Variants in ZC3H11A observed in about 807,000 individuals in gnomAD.
ZC3H11A encodes the protein zinc finger CCCH-type containing 11A.
In ZC3H11A, 22 loss-of-function variants were observed where a neutral mutation model predicts 90.8. That is an observed-to-expected ratio of 0.24 (90% CI 0.17 to 0.35). The LOEUF (loss-of-function observed/expected upper bound fraction) is 0.35. Ranked by LOEUF, ZC3H11A falls within the 10% of genes least tolerant of loss-of-function variation. The pLI is 1.00. For synonymous variants in ZC3H11A, 294 were observed against 339.8 expected (o/e 0.87, Z 1.48); for missense variants, 701 against 964.9 (o/e 0.73, Z 3.62).
In ZC3H11A at chr1:203,848,333, A is replaced by G. The variant is rs1572364774; in HGVS notation, c.1549A>G (p.Met517Val). The change falls in exon 14 of 18, where the codon ATG (methionine) becomes GTG (valine). Residue 517 changes from methionine to valine, a missense_variant and splice_region_variant. By Grantham distance (21) the Met-to-Val change is conservative. Coordinates refer to ENST00000367210, the MANE Select transcript of ZC3H11A (RefSeq NM_001376342.1). ...RLLRITKRTG[M>V]KEEKNLQEGN... ...TGATGTCTTTAATGTGAATACAGGG[A>G]TGAAAGAAGAGAAGAACCTTCAGGA... 1 of 1,612,514 alleles carries G rather than the reference A, an allele frequency of 6.2e-7. No homozygotes were observed. The highest frequency in any genetic ancestry group is 8.5e-7 in the Non-Finnish European group (1 of 1,179,398).
In ZC3H11A at chr1:203,797,728, G is replaced by A. The variant is rs928522379; in HGVS notation, c.-1588+1934G>A. On this transcript the variant is annotated intron_variant, in intron 1 of 17. Coordinates refer to ENST00000367210, the MANE Select transcript of ZC3H11A (RefSeq NM_001376342.1). ...AAAAAGAAAAGAAAGAAGGGTTTGC[G>A]AATTAAGGGGAAAAGGCGTCGAAAA... The A allele has an allele frequency of 1.4e-5, 21 of 1,535,128 alleles. No homozygotes were observed. In the Middle Eastern group the frequency reaches 5.0e-4, roughly 37 times the overall value.
Position 203,837,318 on chromosome 1 carries a change from C to T in ZC3H11A, c.875-648C>T, listed in dbSNP as rs1684665430. Among the ~76,000 whole-genome samples the T allele has an allele frequency of 4.0e-5, 6 of 150,324 alleles. No individual in the cohort carries two copies. The South Asian group carries it at 1.0e-3, about 26-fold the overall frequency. On this transcript the variant is annotated intron_variant, in intron 10 of 17. Coordinates refer to ENST00000367210, the MANE Select transcript of ZC3H11A (RefSeq NM_001376342.1). ...AAAAAAAAAAAAGGGTTCTTTTGTACATGAAGATTTTTCACATTTCTAATT... is the reference window on the plus strand; with the variant it reads ...AAAAAAAAAAAAGGGTTCTTTTGTATATGAAGATTTTTCACATTTCTAATT...
chr1:203,829,497 T>C lies in ZC3H11A; in HGVS notation c.345T>C (p.Ala115=). 6.2e-7 allele frequency: 1 copy of C among 1,614,028 alleles called. No homozygotes were observed. The highest frequency in any genetic ancestry group is 8.5e-7 in the Non-Finnish European group (1 of 1,179,906). The stretch of plus-strand genomic sequence containing the variant: ...AGTCACCAGAAGAGGAAGTGAAGGC[T>C]AGCCAACTTTCAGTTCAGCAGAACA... ...VPESPEEEVK[A]SQLSVQQNKL... is the part of the protein sequence containing the mutation. The change falls in exon 6 of 18, where the codon GCT becomes GCC. Residue 115 remains alanine, a synonymous_variant. Transcript: ENST00000367210.
At chr1:203,835,900 G>GCCTT in intron 10 of ZC3H11A, 1 of 233,938 alleles carries the variant, frequency 4.3e-6, no homozygotes, top group Non-Finnish European at 9.3e-6. Context: ...TTGGACCACA[G>GCCTT]CCTTCCAGAC....
chr1:203,827,629 C>T (rs12068113), intron 4 of ZC3H11A, among the ~76,000 whole-genome samples: 22,453 of 150,208 alleles, frequency 0.15, 1,903 homozygotes, highest in East Asian at 0.29. Context: ...TTGCAGTGAG[C>T]GGAGATCGCG....
chr1:203,816,520 T>C (rs1234947236), intron 2 of ZC3H11A, among the ~76,000 whole-genome samples: 1 of 152,056 alleles, frequency 6.6e-6, no homozygotes, highest in Non-Finnish European at 1.5e-5. Flanking sequence ...TCCTGGATAC[T>C]TGGGGGAGGC....
At chr1:203,825,516 C>T (rs1680235239) in intron 4 of ZC3H11A, among the ~76,000 whole-genome samples, 1 of 140,180 alleles carries the variant, frequency 7.1e-6, no homozygotes, top group South Asian at 2.3e-4. Flanking sequence ...CTCACTGAAA[C>T]TTCCACCTCC....
intron 12 of ZC3H11A, among the ~76,000 whole-genome samples, chr1:203,841,649 G>A (rs917786297): frequency 3.3e-5 from 5 of 152,202 alleles, no homozygotes; most frequent in South Asian, 2.1e-4. Context: ...ATCATGGCCC[G>A]TTCTCAATGA....
intron 2 of ZC3H11A, among the ~76,000 whole-genome samples, chr1:203,804,150 GTGTTT>G (rs1671389999): frequency 7.6e-6 from 1 of 131,018 alleles, no homozygotes. Flanking sequence ...TCCTGTATAT[GTGTTT>G]TTTTTTTTTT....
chr1:203,846,332 C>T (rs1687903346), intron 12 of ZC3H11A, among the ~76,000 whole-genome samples: 1 of 152,044 alleles, frequency 6.6e-6, no homozygotes, highest in Non-Finnish European at 1.5e-5. Flanking sequence ...TCAGTTTAGA[C>T]AGATATAGAA....
chr1:203,814,263 C>T (rs1675490668), intron 2 of ZC3H11A, among the ~76,000 whole-genome samples: 1 of 152,188 alleles, frequency 6.6e-6, no homozygotes, highest in African/African-American at 2.4e-5. Context: ...CTGGCTCACA[C>T]CTGTAATCCC....
At chr1:203,813,632 G>C (rs2102695046) in intron 2 of ZC3H11A, among the ~76,000 whole-genome samples, 1 of 152,298 alleles carries the variant, frequency 6.6e-6, no homozygotes, top group South Asian at 2.1e-4. Flanking sequence ...AGCTACAGAA[G>C]TTTGTTGTCT....
chr1:203,824,864 C>G (rs531606925), intron 4 of ZC3H11A, among the ~76,000 whole-genome samples: 4 of 152,020 alleles, frequency 2.6e-5, no homozygotes, highest in Admixed American at 1.3e-4. Flanking sequence ...CAGATCATCT[C>G]AGGAGTTTGA....
chr1:203,807,142 C>T (rs1331703656), intron 2 of ZC3H11A, among the ~76,000 whole-genome samples: 3 of 151,806 alleles, frequency 2.0e-5, no homozygotes, highest in African/African-American at 7.3e-5. Context: ...CCCAAAGCTC[C>T]GGGATTACAG....
intron 2 of ZC3H11A, among the ~76,000 whole-genome samples, chr1:203,810,866 C>T (rs1461963214): frequency 6.6e-6 from 1 of 151,830 alleles, no homozygotes. Flanking sequence ...GCCAGACGCT[C>T]ACGCCTGTAA....
chr1:203,844,223 G>A (rs547637807), intron 12 of ZC3H11A, among the ~76,000 whole-genome samples: 18 of 151,660 alleles, frequency 1.2e-4, no homozygotes, highest in African/African-American at 4.1e-4. Flanking sequence ...GTGCAGTGGC[G>A]TGATCTCAGC....
intron 12 of ZC3H11A, 53 bp downstream of exon 12, chr1:203,840,427 CCTTTG>C: frequency 1.3e-6 from 2 of 1,551,526 alleles, no homozygotes; most frequent in Non-Finnish European, 1.8e-6. Context: ...GCTGTAAGAG[CCTTTG>C]CTTTTTCTCA....
chr1:203,832,907 A>C (rs971969025), intron 9 of ZC3H11A, among the ~76,000 whole-genome samples: 17 of 152,158 alleles, frequency 1.1e-4, no homozygotes, highest in African/African-American at 4.1e-4. Context: ...TTAAGAATAC[A>C]ATCTGTCTTA....
intron 4 of ZC3H11A, among the ~76,000 whole-genome samples, chr1:203,822,765 A>G (rs562987920): frequency 1.3e-5 from 2 of 152,246 alleles, no homozygotes; most frequent in Admixed American, 6.5e-5. Context: ...CCAACACCCT[A>G]TGCCAGTTCC....
Sources: allele counts gnomAD v4.1 joint callset (sites outside exome capture counted in the v4.1 genomes callset), GRCh38; gene constraint gnomAD v4.1.1; transcripts MANE v1.5; gene names NCBI Gene and HGNC (gene_info 2026-07-23, HGNC 2026-07-21).